Variants in PCDH9 observed in about 807,000 individuals in gnomAD.
PCDH9 encodes protocadherin-9.
Under a neutral mutation model 70.6 loss-of-function variants are expected in PCDH9, and 24 were observed. That is an observed-to-expected ratio of 0.34 (90% CI 0.25 to 0.48). The LOEUF (loss-of-function observed/expected upper bound fraction) is 0.48. Ranked by LOEUF, PCDH9 falls within the 20% of genes least tolerant of loss-of-function variation. The pLI is 0.99. For synonymous variants in PCDH9, 562 were observed against 558.5 expected (o/e 1.01, Z -0.09); for missense variants, 1,281 against 1,503.6 (o/e 0.85, Z 2.45).
chr13:66,904,193 A>G (rs890924080), intron 2 of PCDH9, among the ~76,000 whole-genome samples: 2 of 152,058 alleles, frequency 1.3e-5, no homozygotes, highest in African/African-American at 4.8e-5. Flanking sequence ...TTTTTCTACT[A>G]AATAGAAAGC....
intron 2 of PCDH9, chr13:67,207,476 A>C (rs1473574104): frequency 6.6e-6 from 1 of 152,222 alleles, no homozygotes; most frequent in African/African-American, 2.4e-5. Flanking sequence ...TTGAATTAAT[A>C]CATGTAAAGT....
At chr13:66,546,712 C>T (rs1171372283) in intron 4 of PCDH9, among the ~76,000 whole-genome samples, 2 of 152,166 alleles carry the variant, frequency 1.3e-5, no homozygotes, top group Non-Finnish European at 2.9e-5. Context: ...GCTCACTGCT[C>T]ACTCACTGAC....
rs751386251 is a variant in PCDH9, at chr13:67,226,063, T to C, written c.2378A>G (p.Glu793Gly). ...YIYDLIRRTM[E>G]TPLDRNIGDS... is the part of the protein sequence containing the mutation. ...CCCTATGTTCCTGTCCAACGGGGTC[T>C]CCATAGTCCTGCGGATCAAGTCATA... The change falls in exon 2 of 5, where the codon GAG (glutamate) becomes GGG (glycine). Residue 793 changes from glutamate to glycine, a missense_variant. By Grantham distance (98) the Glu-to-Gly change is moderately conservative (BLOSUM62 -2). Transcript: ENST00000377865. This position sits in a 1 kb window ranked among gnomAD's most constrained non-coding sequence, Gnocchi z 5.0. The C allele has an allele frequency of 6.2e-6, 10 of 1,614,102 alleles. No individual in the cohort carries two copies. Among genetic ancestry groups the C allele is most frequent in the Non-Finnish European group, 8.5e-7 (1 of 1,179,998 alleles).
intron 3 of PCDH9, among the ~76,000 whole-genome samples, chr13:66,650,071 A>G (rs904133983): frequency 3.9e-5 from 6 of 152,004 alleles, no homozygotes; most frequent in Non-Finnish European, 8.8e-5. Context: ...AAGGAAGAAA[A>G]GAAAGAAGAG....
At chr13:66,791,087 G>A (rs551624101) in intron 3 of PCDH9, among the ~76,000 whole-genome samples, 13 of 152,178 alleles carry the variant, frequency 8.5e-5, no homozygotes, top group African/African-American at 1.4e-4. Context: ...CCTACACCAC[G>A]CACTGAATTT....
At chr13:67,134,347 C>A (rs555946705) in intron 2 of PCDH9, among the ~76,000 whole-genome samples, 2 of 151,954 alleles carry the variant, frequency 1.3e-5, no homozygotes, top group East Asian at 3.9e-4. Context: ...TATAAATCAC[C>A]CTTTATCACA....
chr13:66,831,156 G>A (rs1340764900), intron 3 of PCDH9, among the ~76,000 whole-genome samples: 1 of 152,180 alleles, frequency 6.6e-6, no homozygotes, highest in Non-Finnish European at 1.5e-5. Flanking sequence ...TTCTTGGGCA[G>A]TAGTGTCTCT....
intron 4 of PCDH9, among the ~76,000 whole-genome samples, chr13:66,592,524 C>CA (rs924145776): frequency 4.0e-5 from 6 of 151,706 alleles, no homozygotes; most frequent in African/African-American, 1.4e-4. Context: ...CAGTGCTTCT[C>CA]AAAAACAATC....
chr13:66,933,914 G>A (rs1484233313), intron 2 of PCDH9, among the ~76,000 whole-genome samples: 1 of 148,496 alleles, frequency 6.7e-6, no homozygotes. Context: ...AAAAGGGGGC[G>A]GGGGGGCAAA....
At chr13:66,960,738 A>G (rs1006398578) in intron 2 of PCDH9, among the ~76,000 whole-genome samples, 2 of 152,228 alleles carry the variant, frequency 1.3e-5, no homozygotes, top group Non-Finnish European at 2.9e-5. Flanking sequence ...TGCACTGTAT[A>G]GAATGAAGAA....
chr13:66,513,520 C>G (rs1053840503), intron 4 of PCDH9, among the ~76,000 whole-genome samples: 9 of 151,998 alleles, frequency 5.9e-5, no homozygotes, highest in African/African-American at 2.2e-4. Flanking sequence ...ACAGGCCCAT[C>G]AATCAAAAAC....
At chr13:66,320,116 A>G (rs1028126258) in intron 4 of PCDH9, among the ~76,000 whole-genome samples, 1 of 152,126 alleles carries the variant, frequency 6.6e-6, no homozygotes, top group African/African-American at 2.4e-5. Context: ...TTTAGTAAAA[A>G]TTTTTGAAAT....
chr13:66,921,746 G>A (rs2082640067), intron 2 of PCDH9, among the ~76,000 whole-genome samples: 1 of 151,296 alleles, frequency 6.6e-6, no homozygotes, highest in South Asian at 2.1e-4. Flanking sequence ...AATAAAAGGG[G>A]AATTGTTATC....
At chr13:66,520,318 G>A (rs897915542) in intron 4 of PCDH9, among the ~76,000 whole-genome samples, 1 of 152,050 alleles carries the variant, frequency 6.6e-6, no homozygotes, top group Non-Finnish European at 1.5e-5. Flanking sequence ...GCATTGTCCC[G>A]AAACTCCTTA....
At chr13:67,005,320 A>T (rs1385183220) in intron 2 of PCDH9, among the ~76,000 whole-genome samples, 1 of 152,038 alleles carries the variant, frequency 6.6e-6, no homozygotes, top group African/African-American at 2.4e-5. Context: ...TTACTATTTG[A>T]GTTCGCTTTA....
At chr13:66,947,023 C>T (rs1285525190) in intron 2 of PCDH9, among the ~76,000 whole-genome samples, 1 of 151,976 alleles carries the variant, frequency 6.6e-6, no homozygotes. Flanking sequence ...AAATGTTAAC[C>T]AAGCAATTAA....
intron 3 of PCDH9, among the ~76,000 whole-genome samples, chr13:66,822,737 T>C (rs532271398): frequency 5.9e-5 from 9 of 152,028 alleles, no homozygotes; most frequent in Admixed American, 5.9e-4. Context: ...TGTTGGCCCC[T>C]GACCTAAAGT....
chr13:66,312,707 A>C (rs1246488200), intron 4 of PCDH9, among the ~76,000 whole-genome samples: 2 of 152,204 alleles, frequency 1.3e-5, no homozygotes, highest in African/African-American at 4.8e-5. Context: ...ATGTAAATAA[A>C]AATCTAGTGG....
intron 2 of PCDH9, among the ~76,000 whole-genome samples, chr13:66,986,219 C>T (rs2083889065): frequency 1.3e-5 from 2 of 151,954 alleles, no homozygotes. Context: ...CATGAGATTT[C>T]ACTCACTATC....
Sources: gnomAD v4.1 joint callset for allele counts (sites outside exome capture counted in the v4.1 genomes callset) on GRCh38, gnomAD v4.1.1 for gene constraint, Gnocchi (gnomAD v3.1) non-coding constraint, MANE v1.5 for transcripts, NCBI Gene and HGNC (gene_info 2026-07-23, HGNC 2026-07-21) for gene names.